CMYA5: variants seen among roughly 807,000 people sequenced by gnomAD.
CMYA5 encodes the protein cardiomyopathy-associated protein 5.
A neutral mutation model predicts 318.9 loss-of-function variants in CMYA5; 246 were observed. The ratio of observed to expected loss-of-function variants is 0.77; its 90% CI spans 0.70 to 0.86. The LOEUF is 0.86. CMYA5 is among the 40% of genes least tolerant of loss of function. The probability of loss-of-function intolerance (pLI) is 0.00; values close to 1 mark genes in which losing one functional copy is unlikely to be tolerated. For synonymous variants in CMYA5, 1,641 were observed against 1,729.5 expected (o/e 0.95, Z 1.27); for missense variants, 4,589 against 4,678.2 (o/e 0.98, Z 0.56).
intron 4 of CMYA5, among the ~76,000 whole-genome samples, chr5:79,745,811 C>T (rs1020885309): frequency 6.6e-6 from 1 of 152,216 alleles, no homozygotes; most frequent in Non-Finnish European, 1.5e-5. Flanking sequence ...CAGCCTGGCT[C>T]CTGGGGCCGT....
chr5:79,795,071 T>G (rs1388074909), intron 12 of CMYA5, among the ~76,000 whole-genome samples: 2 of 152,144 alleles, frequency 1.3e-5, no homozygotes, highest in Admixed American at 1.3e-4. Context: ...TAACCTCCAA[T>G]AACAAATTCC....
At chr5:79,700,736 A>T (rs1194767999) in intron 1 of CMYA5, among the ~76,000 whole-genome samples, 1 of 152,210 alleles carries the variant, frequency 6.6e-6, no homozygotes, top group African/African-American at 2.4e-5. Context: ...ATAAAAAGCA[A>T]TGAAATTCTA....
intron 7 of CMYA5, among the ~76,000 whole-genome samples, chr5:79,760,172 G>GAAAA (rs201183391): frequency 0.2 from 29,910 of 149,142 alleles, 3,050 homozygotes; most frequent in East Asian, 0.36. Context: ...TTATCAAATA[G>GAAAA]TTGTTGCTTG....
At position 79,739,196 on chromosome 5, in the gene CMYA5, A is replaced by G. The variant is rs750526911; in HGVS notation, c.10431A>G (p.Glu3477=). 4 of 1,613,386 alleles carry G rather than the reference A, an allele frequency of 2.5e-6. No individual in the cohort carries two copies. The African/African-American group carries it at 5.3e-5, about 22-fold the overall frequency. ...ASEAEQSTPA[E]QKELGSERKE... is the part of the protein sequence containing the mutation. ...AGGCAGAACAAAGTACACCTGCTGA[A>G]CAAAAAGAGTTGGGCAGCGAGAGGA... Residue 3477 remains glutamate, a synonymous_variant, in exon 2 of 13, where the codon GAA becomes GAG. Transcript: ENST00000446378.
chr5:79,743,508 G>A (rs891607250), intron 2 of CMYA5, among the ~76,000 whole-genome samples: 5 of 152,218 alleles, frequency 3.3e-5, no homozygotes, highest in Non-Finnish European at 5.9e-5. Context: ...TAGAGAGAAC[G>A]CATTCAAATC....
chr5:79,756,780 G>A (rs1828538171), intron 6 of CMYA5, among the ~76,000 whole-genome samples: 1 of 150,874 alleles, frequency 6.6e-6, no homozygotes. Context: ...TTTTCCTTTG[G>A]TGTCCACTTT....
chr5:79,795,927 CAG>C (rs1343214025), intron 12 of CMYA5, among the ~76,000 whole-genome samples: 2 of 152,168 alleles, frequency 1.3e-5, no homozygotes, highest in Admixed American at 6.5e-5. Context: ...GCCAGCCAGG[CAG>C]AGAGTCAGGC....
At chr5:79,739,455 T>C (rs907824366) in intron 2 of CMYA5, 52 bp downstream of exon 2, 1 of 1,273,980 alleles carries the variant, frequency 7.8e-7, no homozygotes, top group South Asian at 2.1e-5. Context: ...ACACATTTAA[T>C]TTGCTTTTAC....
In CMYA5 at chr5:79,733,899, G is replaced by T. The variant is rs2151086237; in HGVS notation, c.5134G>T (p.Glu1712Ter). 3 of 1,613,200 alleles carry T rather than the reference G, an allele frequency of 1.9e-6. No individual in the cohort carries two copies. The highest frequency in any genetic ancestry group is 2.2e-5 in the East Asian group (1 of 44,864). ...GCTTAGGGAGGAATCTCAGAATGAAGAAATTAAACCTTTCTCTCCCAAGAT... is the reference window on the plus strand; with the variant it reads ...GCTTAGGGAGGAATCTCAGAATGAATAAATTAAACCTTTCTCTCCCAAGAT... ...SLLREESQNE[E>*]IKPFSPKIIS... Residue 1712 changes from glutamate to a stop codon, truncating the protein, a stop_gained, in exon 2 of 13, where the codon GAA (glutamate) becomes TAA (stop). Coordinates refer to ENST00000446378, the MANE Select transcript of CMYA5 (RefSeq NM_153610.5). LOFTEE classifies it high-confidence loss of function.
chr5:79,714,019 A>G (rs1827464036), intron 1 of CMYA5, among the ~76,000 whole-genome samples: 1 of 152,180 alleles, frequency 6.6e-6, no homozygotes, highest in South Asian at 2.1e-4. Context: ...AGGACTGTCC[A>G]AAGCCCTAGG....
In CMYA5 at chr5:79,758,671, T is replaced by C. The variant is rs977087092; in HGVS notation, c.11111-82T>C. Reference sequence around the variant, plus strand: ...TATGTATTTCTGTATTCTTTGAATATTTTTCAACAAGCATAAGTAACTTGT... The same window carrying C: ...TATGTATTTCTGTATTCTTTGAATACTTTTCAACAAGCATAAGTAACTTGT... On this transcript the variant is annotated intron_variant, in intron 6 of 12. Coordinates refer to ENST00000446378, the MANE Select transcript of CMYA5 (RefSeq NM_153610.5). 4 of 1,190,138 alleles carry C rather than the reference T, an allele frequency of 3.4e-6. No homozygotes were observed. In the African/African-American group the frequency reaches 6.2e-5, roughly 19 times the overall value. The allele number at this position is 1,190,138 out of a possible 1,614,324, so 73.7% of individuals were successfully genotyped here.
At chr5:79,768,833 G>T (rs1057343975) in intron 9 of CMYA5, among the ~76,000 whole-genome samples, 1 of 152,140 alleles carries the variant, frequency 6.6e-6, no homozygotes, top group South Asian at 2.1e-4. Flanking sequence ...GAATTTGAGT[G>T]TTGGCCTGTC....
chr5:79,729,921 C>T lies in CMYA5; in HGVS notation c.1156C>T (p.Pro386Ser). 1 of 1,613,754 alleles carries T rather than the reference C, an allele frequency of 6.2e-7. No homozygotes were observed. The highest frequency in any genetic ancestry group is 1.1e-5 in the South Asian group (1 of 91,032). The change falls in exon 2 of 13, where the codon CCT becomes TCT. Residue 386 changes from proline to serine, a missense_variant. Coordinates refer to ENST00000446378, the MANE Select transcript of CMYA5 (RefSeq NM_153610.5). Reference protein sequence around the residue: ...VEPPSVTPDTPATMFLRTTKE... With the variant: ...VEPPSVTPDTSATMFLRTTKE... ...ACCTCCATCTGTGACACCCGACACA[C>T]CTGCAACTATGTTCCTGAGAACAAC...
chr5:79,714,431 CTTTT>C (rs71615553), intron 1 of CMYA5, among the ~76,000 whole-genome samples: 2 of 100,694 alleles, frequency 2.0e-5, no homozygotes, highest in African/African-American at 4.3e-5. Flanking sequence ...TTTTCTTTTT[CTTTT>C]TTTTTTTTTT....
intron 9 of CMYA5, among the ~76,000 whole-genome samples, chr5:79,767,419 C>T (rs186904500): frequency 5.9e-5 from 9 of 152,204 alleles, no homozygotes; most frequent in African/African-American, 2.2e-4. Context: ...AGATCTTTCC[C>T]ACTTTCTCTT....
In CMYA5 at chr5:79,799,695, A is replaced by G. The variant is rs533615958; in HGVS notation, c.*79A>G. On this transcript the variant is annotated 3_prime_UTR_variant, in exon 13 of 13. Coordinates refer to ENST00000446378, the MANE Select transcript of CMYA5 (RefSeq NM_153610.5). ...CTGTTCATTCCTTTAGGTGCTATACATTATTCAAAAAGTCTCCCGCGCATT... is the reference window on the plus strand; with the variant it reads ...CTGTTCATTCCTTTAGGTGCTATACGTTATTCAAAAAGTCTCCCGCGCATT... 6.1e-4 allele frequency: 904 copies of G among 1,486,270 alleles called. No individual in the cohort carries two copies. The highest frequency in any genetic ancestry group is 1.5e-3 in the Admixed American group (66 of 42,742). The allele number at this position is 1,486,270 out of a possible 1,614,324, so 92.1% of individuals were successfully genotyped here.
Position 79,733,181 on chromosome 5 carries a change from G to T in CMYA5, c.4416G>T (p.Leu1472Phe), listed in dbSNP as rs768441814. 1.1e-5 allele frequency: 18 copies of T among 1,613,718 alleles called. No homozygotes were observed. The East Asian group carries it at 2.5e-4, about 22-fold the overall frequency. Residue 1472 changes from leucine to phenylalanine, a missense_variant, in exon 2 of 13, where the codon TTG (leucine) becomes TTT (phenylalanine). Leu to Phe is a conservative substitution (Grantham distance 22). Coordinates refer to ENST00000446378, the MANE Select transcript of CMYA5 (RefSeq NM_153610.5). ...EVEAKEVKAGLPVIKTSSSQH... is the reference protein window; with the variant it reads ...EVEAKEVKAGFPVIKTSSSQH... ...AAGCCAAAGAAGTTAAAGCTGGGTT[G>T]CCAGTAATCAAAACATCATCTTCTC...
chr5:79,752,224 G>A (rs1174457517), intron 5 of CMYA5, among the ~76,000 whole-genome samples: 4 of 152,164 alleles, frequency 2.6e-5, no homozygotes, highest in African/African-American at 9.7e-5. Context: ...ATGATTAGAA[G>A]CTTAATATCG....
At position 79,789,106 on chromosome 5, in the gene CMYA5, T is replaced by C; in HGVS notation, c.11689+2T>C. On this transcript the variant is annotated splice_donor_variant, in intron 10 of 12. Coordinates refer to ENST00000446378, the MANE Select transcript of CMYA5 (RefSeq NM_153610.5). LOFTEE classifies it high-confidence loss of function. ...AAGCTGCTCTCATCTCCACCAGAGGTACTTTCTCCTTTGCACACAGTGAGC... is the reference window on the plus strand; with the variant it reads ...AAGCTGCTCTCATCTCCACCAGAGGCACTTTCTCCTTTGCACACAGTGAGC... 1.2e-6 allele frequency: 2 copies of C among 1,613,662 alleles called. No homozygotes were observed. Among genetic ancestry groups the C allele is most frequent in the Non-Finnish European group, 1.7e-6 (2 of 1,179,752 alleles).
Sources: allele counts gnomAD v4.1 joint callset (sites outside exome capture counted in the v4.1 genomes callset), GRCh38; gene constraint gnomAD v4.1.1; transcripts MANE v1.5; gene names NCBI Gene and HGNC (gene_info 2026-07-23, HGNC 2026-07-21).